Variants in CDH13 observed in about 807,000 individuals in gnomAD.
CDH13 encodes the protein cadherin-13.
Under a neutral mutation model 63.8 loss-of-function variants are expected in CDH13, and 24 were observed. That is an observed-to-expected ratio of 0.38 (90% confidence interval 0.27 to 0.53). The LOEUF (loss-of-function observed/expected upper bound fraction) is 0.53, where lower values mean the gene tolerates loss of function less well. Ranked by LOEUF, CDH13 falls within the 20% of genes least tolerant of loss-of-function variation. The pLI is 0.85. For missense variants in CDH13, 1,049 were observed against 903.1 expected, an observed-to-expected ratio of 1.16 and a Z score of -2.07; for synonymous variants, 503 against 355.3, an observed-to-expected ratio of 1.42 and a Z score of -4.67.
intron 1 of CDH13, among the ~76,000 whole-genome samples, chr16:82,853,076 C>T (rs1384346116): frequency 6.6e-6 from 1 of 152,192 alleles, no homozygotes; most frequent in East Asian, 1.9e-4. Flanking sequence ...TAAGAATTTG[C>T]TTTCTGTGCA....
intron 1 of CDH13, among the ~76,000 whole-genome samples, chr16:82,738,284 C>T (rs1399592188): frequency 1.3e-5 from 2 of 152,190 alleles, no homozygotes; most frequent in Non-Finnish European, 2.9e-5. Context: ...ATATGTTATT[C>T]TAAAACAGAA....
chr16:83,488,789 T>C (rs1001567849), intron 7 of CDH13, among the ~76,000 whole-genome samples: 1 of 152,098 alleles, frequency 6.6e-6, no homozygotes, highest in Non-Finnish European at 1.5e-5. Flanking sequence ...CACACCTGGC[T>C]AATTTTTATA....
At chr16:83,282,828 A>G (rs1180328751) in intron 5 of CDH13, among the ~76,000 whole-genome samples, 6 of 152,236 alleles carry the variant, frequency 3.9e-5, no homozygotes, top group African/African-American at 1.2e-4. Context: ...TCATCAAAGC[A>G]TATTTTCATC....
intron 1 of CDH13, among the ~76,000 whole-genome samples, chr16:82,800,376 A>T (rs1414837680): frequency 6.6e-6 from 1 of 152,170 alleles, no homozygotes; most frequent in African/African-American, 2.4e-5. Flanking sequence ...ATTTACTTCC[A>T]AAAGGACTTC....
chr16:82,722,983 A>G (rs2032872860), intron 1 of CDH13: 1 of 152,286 alleles, frequency 6.6e-6, no homozygotes, highest in South Asian at 2.1e-4. Context: ...CCTTAACTGG[A>G]TATTAAATCA....
intron 1 of CDH13, among the ~76,000 whole-genome samples, chr16:82,804,076 A>C (rs1321369329): frequency 6.6e-6 from 1 of 152,050 alleles, no homozygotes; most frequent in African/African-American, 2.4e-5. Flanking sequence ...AAAAATATAA[A>C]AATTAGCTGG....
rs576634273 is a variant in CDH13 at position 83,774,762 on chromosome 16, G to C, written c.1682-5206G>C. On this transcript the variant is annotated intron_variant, in intron 11 of 13. Coordinates refer to ENST00000567109, the MANE Select transcript of CDH13 (RefSeq NM_001257.5). ...ATTCATAGAGACAAGGAGTGGAATG[G>C]TGGCTGCCAGGGGCCAGGGGAAGGG... Among the ~76,000 whole-genome samples, 11 of 152,356 alleles carry C rather than the reference G, an allele frequency of 7.2e-5. No individual in the cohort carries two copies. In the East Asian group the frequency reaches 1.2e-3, roughly 16 times the overall value.
intron 3 of CDH13, among the ~76,000 whole-genome samples, chr16:83,061,440 C>A (rs908646889): frequency 6.6e-6 from 1 of 152,140 alleles, no homozygotes; most frequent in Non-Finnish European, 1.5e-5. Flanking sequence ...CTCCCTGTGC[C>A]AACCCCGGAA....
chr16:83,698,154 A>G (rs140371479), intron 10 of CDH13, among the ~76,000 whole-genome samples: 17 of 152,374 alleles, frequency 1.1e-4, no homozygotes, highest in Non-Finnish European at 2.1e-4. Flanking sequence ...AATTATTTCC[A>G]AAGACAGTTT....
chr16:83,670,229 C>G (rs973583445), intron 8 of CDH13, among the ~76,000 whole-genome samples: 1 of 152,198 alleles, frequency 6.6e-6, no homozygotes, highest in Non-Finnish European at 1.5e-5. Context: ...ATCCCAGTCT[C>G]TCCACTTACA....
chr16:83,297,317 T>C (rs1246639792), intron 5 of CDH13, among the ~76,000 whole-genome samples: 1 of 152,186 alleles, frequency 6.6e-6, no homozygotes, highest in Non-Finnish European at 1.5e-5. Flanking sequence ...AATGTATACA[T>C]GTACCAAAAG....
intron 2 of CDH13, among the ~76,000 whole-genome samples, chr16:82,983,920 G>T (rs986165724): frequency 6.6e-6 from 1 of 152,212 alleles, no homozygotes; most frequent in African/African-American, 2.4e-5. Flanking sequence ...TTCATGTAAA[G>T]AGGGCTTTTC....
intron 1 of CDH13, among the ~76,000 whole-genome samples, chr16:82,791,106 A>C (rs1032939072): frequency 8.5e-5 from 13 of 152,142 alleles, no homozygotes; most frequent in African/African-American, 2.9e-4. Context: ...GCGTGGTGGC[A>C]GGTGCCTGCA....
chr16:83,178,451 T>G (rs1567480968), intron 4 of CDH13, among the ~76,000 whole-genome samples: 1 of 152,216 alleles, frequency 6.6e-6, no homozygotes, highest in Non-Finnish European at 1.5e-5. Context: ...TCTGAACATG[T>G]GAATTTTCTG....
At chr16:83,187,325 T>C (rs1008278165) in intron 4 of CDH13, among the ~76,000 whole-genome samples, 7 of 152,212 alleles carry the variant, frequency 4.6e-5, no homozygotes, top group Non-Finnish European at 8.8e-5. Context: ...GAAGGATATT[T>C]GCATTATTAG....
intron 2 of CDH13, among the ~76,000 whole-genome samples, chr16:82,913,910 T>G (rs1160693423): frequency 1.3e-5 from 2 of 151,296 alleles, no homozygotes; most frequent in African/African-American, 2.4e-5. Context: ...AGAAACAGAG[T>G]GGTGCACACT....
intron 1 of CDH13, among the ~76,000 whole-genome samples, chr16:82,756,383 T>G (rs2034611840): frequency 1.3e-5 from 2 of 151,798 alleles, no homozygotes; most frequent in Admixed American, 1.3e-4. Flanking sequence ...AGAATAATAA[T>G]AGCCACCATT....
chr16:83,740,024 A>G (rs1331587462), intron 10 of CDH13: 2 of 152,238 alleles, frequency 1.3e-5, no homozygotes, highest in Non-Finnish European at 2.9e-5. Context: ...CTGAGATCCT[A>G]CAAAGCACAA....
At chr16:83,237,721 T>C (rs1904276614) in intron 5 of CDH13, among the ~76,000 whole-genome samples, 2 of 152,304 alleles carry the variant, frequency 1.3e-5, no homozygotes, top group South Asian at 4.1e-4. Context: ...GGCAAGTTGT[T>C]TAATCGTGAA....
Sources: allele counts gnomAD v4.1 joint callset (sites outside exome capture counted in the v4.1 genomes callset), GRCh38; gene constraint gnomAD v4.1.1; transcripts MANE v1.5; gene names NCBI Gene and HGNC (gene_info 2026-07-23, HGNC 2026-07-21).